The following JAZF1 variants were observed in gnomAD, a reference collection of about 807,000 sequenced individuals.
JAZF1 encodes the protein juxtaposed with another zinc finger protein 1.
Under a neutral mutation model 26.4 loss-of-function variants are expected in JAZF1, and 8 were observed. That is an observed-to-expected ratio of 0.30 (90% confidence interval 0.18 to 0.55). JAZF1 has a LOEUF of 0.55. Among genes scored for constraint, JAZF1 ranks in the 20% least tolerant of loss-of-function variants. The pLI, the probability that JAZF1 is intolerant of heterozygous loss-of-function variation, is 0.94. For synonymous variants in JAZF1, 126 were observed against 122.3 expected (o/e 1.03, Z -0.20); for missense variants, 199 against 322.0 (o/e 0.62, Z 2.92).
intron 1 of JAZF1, among the ~76,000 whole-genome samples, chr7:28,040,232 CA>C (rs754654099): frequency 6.6e-6 from 1 of 152,148 alleles, no homozygotes; most frequent in Non-Finnish European, 1.5e-5. Flanking sequence ...AAGCCAGTTT[CA>C]TTTTTTTATT....
chr7:28,102,803 AAAAC>A (rs1368802447), intron 1 of JAZF1, among the ~76,000 whole-genome samples: 2 of 152,216 alleles, frequency 1.3e-5, no homozygotes, highest in African/African-American at 4.8e-5. Context: ...TACATACTGA[AAAAC>A]AAAATCATAA....
chr7:27,854,904 G>A (rs1471388884), intron 3 of JAZF1, among the ~76,000 whole-genome samples: 1 of 152,120 alleles, frequency 6.6e-6, no homozygotes, highest in African/African-American at 2.4e-5. Flanking sequence ...TTGAATGTTG[G>A]CCTGTCTTGC....
chr7:28,175,704 G>A (rs1783540125), intron 1 of JAZF1, among the ~76,000 whole-genome samples: 2 of 152,194 alleles, frequency 1.3e-5, no homozygotes, highest in Admixed American at 1.3e-4. Context: ...CGTGTGAGGG[G>A]AGGTGAGGAG....
At chr7:27,960,128 C>T (rs1785164738) in intron 2 of JAZF1, among the ~76,000 whole-genome samples, 1 of 152,188 alleles carries the variant, frequency 6.6e-6, no homozygotes, top group Admixed American at 6.5e-5. Context: ...TCTGTGAGCA[C>T]CTCCTAAGAG....
chr7:27,935,945 G>C (rs1210589335), intron 2 of JAZF1, among the ~76,000 whole-genome samples: 1 of 152,186 alleles, frequency 6.6e-6, no homozygotes. Flanking sequence ...AGGGTGAGGA[G>C]TGAGGTACTT....
At chr7:28,031,301 AT>A (rs1783184549) in intron 1 of JAZF1, among the ~76,000 whole-genome samples, 1 of 152,172 alleles carries the variant, frequency 6.6e-6, no homozygotes, top group Non-Finnish European at 1.5e-5. Context: ...TCTGATGGCC[AT>A]TTCTGCCTGT....
intron 1 of JAZF1, among the ~76,000 whole-genome samples, chr7:28,093,463 TTTATCAGCAGCG>T (rs1784334556): frequency 1.3e-5 from 2 of 152,208 alleles, no homozygotes; most frequent in Admixed American, 6.5e-5. Context: ...TTGGGATGTC[TTTATCAGCAGCG>T]TTATCAGCAG....
intron 3 of JAZF1, among the ~76,000 whole-genome samples, chr7:27,845,709 A>AG (rs1179369677): frequency 6.8e-5 from 10 of 146,290 alleles, no homozygotes; most frequent in African/African-American, 1.8e-4. Context: ...AAAAAAAAAA[A>AG]AAAAAGAAAA....
At chr7:27,856,087 A>C (rs983815580) in intron 3 of JAZF1, among the ~76,000 whole-genome samples, 3 of 152,192 alleles carry the variant, frequency 2.0e-5, no homozygotes, top group Non-Finnish European at 2.9e-5. Context: ...CACTGACTTC[A>C]AGAATGAAGC....
chr7:27,831,567 A>C lies in JAZF1; in HGVS notation c.*1233T>G. The C allele has an allele frequency of 4.4e-6, 1 of 227,280 alleles. No individual in the cohort carries two copies. Among genetic ancestry groups the C allele is most frequent in the Non-Finnish European group, 8.8e-6 (1 of 113,962 alleles). The allele number at this position is 227,280 out of a possible 1,614,324, so 14.1% of individuals were successfully genotyped here. A position where few individuals can be genotyped will look rare whatever the true frequency, so the allele number is the denominator to read the frequency against. ...GTATTAGTCATGCTTTTCTTTGACCACCTGCTGCAAGAAGCACTTAATTGT... is the reference window on the plus strand; with the variant it reads ...GTATTAGTCATGCTTTTCTTTGACCCCCTGCTGCAAGAAGCACTTAATTGT... On this transcript the variant is annotated 3_prime_UTR_variant, in exon 5 of 5. Transcript: ENST00000283928.
chr7:27,896,317 T>A (rs982971121), intron 2 of JAZF1, among the ~76,000 whole-genome samples: 1 of 152,178 alleles, frequency 6.6e-6, no homozygotes, highest in African/African-American at 2.4e-5. Flanking sequence ...TATGAAATGG[T>A]ATCTCCTACC....
chr7:28,162,544 C>T (rs528431799), intron 1 of JAZF1, among the ~76,000 whole-genome samples: 1 of 152,324 alleles, frequency 6.6e-6, no homozygotes, highest in Non-Finnish European at 1.5e-5. Context: ...TAAGCTGAAA[C>T]ATTTACAATA....
intron 3 of JAZF1, chr7:27,841,740 G>C (rs1298101479): frequency 6.6e-6 from 1 of 152,132 alleles, no homozygotes; most frequent in East Asian, 1.9e-4. Flanking sequence ...ACTTCAACAG[G>C]CAGCCTCTTT....
At chr7:27,843,962 T>C (rs1782972394) in intron 3 of JAZF1, 1 of 152,262 alleles carries the variant, frequency 6.6e-6, no homozygotes, top group Non-Finnish European at 1.5e-5. Context: ...TGCTCTCTCT[T>C]GAGAACAGTC....
intron 1 of JAZF1, among the ~76,000 whole-genome samples, chr7:28,047,428 A>C (rs1172061799): frequency 1.3e-5 from 2 of 152,274 alleles, no homozygotes; most frequent in East Asian, 3.9e-4. Context: ...TTTGAAGAGA[A>C]TTTATAATAC....
At chr7:28,135,268 C>A (rs949989035) in intron 1 of JAZF1, among the ~76,000 whole-genome samples, 1 of 140,896 alleles carries the variant, frequency 7.1e-6, no homozygotes, top group African/African-American at 3.2e-5. Context: ...AGCCCTCTCT[C>A]CTCAACTGGC....
At chr7:27,894,210 A>G (rs1401598084) in intron 3 of JAZF1, among the ~76,000 whole-genome samples, 4 of 152,064 alleles carry the variant, frequency 2.6e-5, no homozygotes, top group Admixed American at 2.6e-4. Context: ...AGTTTCTGGC[A>G]CTTGTGAGGC....
intron 2 of JAZF1, among the ~76,000 whole-genome samples, chr7:27,895,685 C>T (rs560093169): frequency 6.6e-6 from 1 of 152,284 alleles, no homozygotes; most frequent in African/African-American, 2.4e-5. Context: ...AATACATCTG[C>T]ACCCACTGTA....
At chr7:27,914,927 T>C (rs559807784) in intron 2 of JAZF1, 4 of 432,390 alleles carry the variant, frequency 9.3e-6, no homozygotes, top group South Asian at 6.8e-5. Flanking sequence ...GAGCGCCATT[T>C]ACTTTATGTA....
Sources: allele counts gnomAD v4.1 joint callset (sites outside exome capture counted in the v4.1 genomes callset), GRCh38; gene constraint gnomAD v4.1.1; transcripts MANE v1.5; gene names NCBI Gene and HGNC (gene_info 2026-07-23, HGNC 2026-07-21).